Variants in ANK2 observed in about 807,000 individuals in gnomAD.
ANK2 encodes the protein ankyrin-2.
Under a neutral mutation model 360.5 loss-of-function variants are expected in ANK2, and 83 were observed. The ratio of observed to expected loss-of-function variants is 0.23; its 90% CI spans 0.19 to 0.28. ANK2 has a LOEUF of 0.28. Among genes scored for constraint, ANK2 ranks in the 10% least tolerant of loss-of-function variants. ANK2 has a pLI of 1.00. For missense variants in ANK2, 4,201 were observed against 4,795.7 expected (o/e 0.88, Z 3.66); for synonymous variants, 1,740 against 1,759.5 (o/e 0.99, Z 0.28).
chr4:113,318,310 T>C (rs1296922823), intron 25 of ANK2, among the ~76,000 whole-genome samples: 1 of 152,252 alleles, frequency 6.6e-6, no homozygotes, highest in Non-Finnish European at 1.5e-5. Context: ...ATTACACGAA[T>C]GTAATCTTAT....
intron 26 of ANK2, among the ~76,000 whole-genome samples, chr4:113,325,274 C>G (rs544630556): frequency 9.9e-5 from 15 of 152,074 alleles, no homozygotes; most frequent in Non-Finnish European, 2.1e-4. Context: ...ATATATATTT[C>G]CTGAAGTAAT....
At chr4:113,291,567 C>G (rs2067594003) in intron 20 of ANK2, among the ~76,000 whole-genome samples, 1 of 152,158 alleles carries the variant, frequency 6.6e-6, no homozygotes, top group Non-Finnish European at 1.5e-5. Flanking sequence ...GTAGACAGAA[C>G]AAGCAAATAT....
intron 1 of ANK2, among the ~76,000 whole-genome samples, chr4:112,903,024 T>A (rs1326263319): frequency 6.6e-6 from 1 of 152,144 alleles, no homozygotes; most frequent in Non-Finnish European, 1.5e-5. Flanking sequence ...TATTAATGGT[T>A]CACAAGAGAG....
At chr4:113,026,825 T>G (rs957806015) in intron 2 of ANK2, among the ~76,000 whole-genome samples, 3 of 151,990 alleles carry the variant, frequency 2.0e-5, no homozygotes, top group Admixed American at 1.3e-4. Flanking sequence ...AAAAAATGAT[T>G]AGTATAGGGA....
At chr4:113,136,168 G>A (rs2096396953) in intron 1 of ANK2, among the ~76,000 whole-genome samples, 1 of 151,828 alleles carries the variant, frequency 6.6e-6, no homozygotes, top group African/African-American at 2.4e-5. Context: ...GGAGTACTAG[G>A]GACAAACAGA....
chr4:112,810,183 G>GA, the ANK2 span, among the ~76,000 whole-genome samples: 88 of 62,520 alleles, frequency 1.4e-3, no homozygotes, highest in African/African-American at 4.0e-3. Context: ...TTTTTTTTTT[G>GA]TAGCAATGGG....
intron 1 of ANK2, among the ~76,000 whole-genome samples, chr4:113,118,579 TA>T (rs2095074138): frequency 6.6e-6 from 1 of 152,200 alleles, no homozygotes; most frequent in Non-Finnish European, 1.5e-5. Flanking sequence ...TGACTGTTAC[TA>T]GGCTACAGAA....
intron 18 of ANK2, among the ~76,000 whole-genome samples, chr4:113,284,873 T>C (rs29328): frequency 0.48 from 73,587 of 151,978 alleles, 18,955 homozygotes; most frequent in South Asian, 0.61. Flanking sequence ...GCAGCAAAAC[T>C]GATAAAATAA....
chr4:113,195,027 A>G (rs1254423549), intron 2 of ANK2, among the ~76,000 whole-genome samples: 2 of 152,150 alleles, frequency 1.3e-5, no homozygotes, highest in Non-Finnish European at 2.9e-5. Context: ...CAGCTTCCCC[A>G]AATTATAATG....
At chr4:112,924,322 C>T (rs1056379004) in intron 2 of ANK2, among the ~76,000 whole-genome samples, 18 of 149,754 alleles carry the variant, frequency 1.2e-4, no homozygotes, top group African/African-American at 2.0e-4. Flanking sequence ...GAGCTGAGAT[C>T]GCACCACTGC....
chr4:113,187,909 A>G (rs1286778010), intron 2 of ANK2, among the ~76,000 whole-genome samples: 1 of 152,210 alleles, frequency 6.6e-6, no homozygotes, highest in African/African-American at 2.4e-5. Flanking sequence ...AATACCTGTT[A>G]TATCAAATAA....
chr4:112,994,951 G>A (rs890194648), intron 2 of ANK2, among the ~76,000 whole-genome samples: 1 of 152,130 alleles, frequency 6.6e-6, no homozygotes, highest in Non-Finnish European at 1.5e-5. Context: ...CTTTTTTATG[G>A]CTGCATAGTA....
At chr4:113,116,423 C>T (rs933085702) in intron 1 of ANK2, among the ~76,000 whole-genome samples, 3 of 152,154 alleles carry the variant, frequency 2.0e-5, no homozygotes, top group Non-Finnish European at 2.9e-5. Context: ...CTTTTCTATG[C>T]TTAATGCAGC....
At chr4:112,753,106 G>A in the ANK2 span, among the ~76,000 whole-genome samples, 3 of 152,018 alleles carry the variant, frequency 2.0e-5, no homozygotes, top group Non-Finnish European at 2.9e-5. Context: ...TATTTTCCTC[G>A]AGCCTCAGGC....
intron 1 of ANK2, among the ~76,000 whole-genome samples, chr4:112,881,264 C>T (rs1169639720): frequency 6.6e-6 from 1 of 152,110 alleles, no homozygotes; most frequent in Non-Finnish European, 1.5e-5. Flanking sequence ...ATGGTAAAAC[C>T]CCGTCTCTAC....
At chr4:113,202,118 C>T (rs1008344058) in intron 4 of ANK2, among the ~76,000 whole-genome samples, 2 of 151,656 alleles carry the variant, frequency 1.3e-5, no homozygotes, top group Non-Finnish European at 2.9e-5. Flanking sequence ...AATTTATGTA[C>T]CCATCATTAA....
At chr4:112,790,648 C>T in the ANK2 span, among the ~76,000 whole-genome samples, 8 of 152,042 alleles carry the variant, frequency 5.3e-5, no homozygotes, top group South Asian at 2.1e-4. Context: ...GCCACCACGC[C>T]GGCTAATTTT....
At chr4:113,057,712 AT>A (rs1440056879) in intron 1 of ANK2, among the ~76,000 whole-genome samples, 1 of 152,114 alleles carries the variant, frequency 6.6e-6, no homozygotes, top group Non-Finnish European at 1.5e-5. Flanking sequence ...AAGCCTCCAA[AT>A]TAACAAGACA....
chr4:113,330,566 C>T, intron 27 of ANK2, 96 bp downstream of exon 27: 1 of 1,289,836 alleles, frequency 7.8e-7, no homozygotes, highest in Middle Eastern at 2.6e-4. Flanking sequence ...TACGTCAAAC[C>T]ATTTTGAAAG....
Sources: gnomAD v4.1 joint callset for allele counts (sites outside exome capture counted in the v4.1 genomes callset) on GRCh38, gnomAD v4.1.1 for gene constraint, MANE v1.5 for transcripts, NCBI Gene and HGNC (gene_info 2026-07-23, HGNC 2026-07-21) for gene names.